Variants in BMP2K observed in about 807,000 individuals in gnomAD.
The protein encoded by BMP2K is BMP2 inducible kinase, also known as BMP-2-inducible protein kinase.
Under a neutral mutation model 116.0 loss-of-function variants are expected in BMP2K, and 74 were observed. The ratio of observed to expected loss-of-function variants is 0.64; its 90% CI spans 0.53 to 0.77. The LOEUF is 0.77. Ranked by LOEUF, BMP2K falls within the 30% of genes least tolerant of loss-of-function variation. The pLI is 0.00. For missense variants in BMP2K, 1,365 were observed against 1,403.6 expected (o/e 0.97, Z 0.44); for synonymous variants, 486 against 502.5 (o/e 0.97, Z 0.44).
At chr4:78,785,059 A>G (rs746039121) in intron 1 of BMP2K, among the ~76,000 whole-genome samples, 21 of 152,312 alleles carry the variant, frequency 1.4e-4, no homozygotes, top group Non-Finnish European at 2.5e-4. Flanking sequence ...AGACTTCACA[A>G]TGGAATGGCA....
intron 1 of BMP2K, among the ~76,000 whole-genome samples, chr4:78,819,003 G>T (rs967953248): frequency 6.6e-6 from 1 of 151,878 alleles, no homozygotes; most frequent in Non-Finnish European, 1.5e-5. Context: ...TTACCATGTT[G>T]CCCAGGCTGG....
intron 1 of BMP2K, 148 bp downstream of exon 1, chr4:78,776,869 C>A: frequency 1.3e-6 from 1 of 785,270 alleles, no homozygotes; most frequent in Non-Finnish European, 1.7e-6. Context: ...AAGAGTGGCT[C>A]GGGCTTTCTC....
intron 3 of BMP2K, among the ~76,000 whole-genome samples, chr4:78,834,002 A>G (rs1427972596): frequency 2.0e-5 from 3 of 152,168 alleles, no homozygotes; most frequent in Non-Finnish European, 4.4e-5. Flanking sequence ...GAAGAGGATA[A>G]TATGTCAATA....
chr4:78,830,671 T>G (rs1730166471), intron 2 of BMP2K, among the ~76,000 whole-genome samples: 1 of 152,210 alleles, frequency 6.6e-6, no homozygotes, highest in East Asian at 1.9e-4. Flanking sequence ...CTGCTTTACT[T>G]TGTACTTAAT....
intron 15 of BMP2K, among the ~76,000 whole-genome samples, chr4:78,898,541 A>AGAT (rs1733829655): frequency 1.3e-5 from 2 of 150,968 alleles, no homozygotes; most frequent in African/African-American, 4.9e-5. Flanking sequence ...GAATATGATT[A>AGAT]ATACAGTCTA....
At chr4:78,893,743 T>C (rs1056776090) in intron 15 of BMP2K, among the ~76,000 whole-genome samples, 4 of 152,156 alleles carry the variant, frequency 2.6e-5, no homozygotes, top group Non-Finnish European at 5.9e-5. Flanking sequence ...TTTAAAGTTT[T>C]CCTTAGAGTT....
At chr4:78,854,472 C>T (rs1022095161) in intron 7 of BMP2K, among the ~76,000 whole-genome samples, 5 of 151,982 alleles carry the variant, frequency 3.3e-5, no homozygotes, top group African/African-American at 7.3e-5. Flanking sequence ...TGGGGTTTCA[C>T]CATGTTGGTC....
chr4:78,832,040 A>G (rs56802690), intron 2 of BMP2K, among the ~76,000 whole-genome samples: 29,226 of 152,118 alleles, frequency 0.19, 6,079 homozygotes, highest in African/African-American at 0.52. Context: ...ATAATATCCC[A>G]TTATATGTCT....
chr4:78,863,205 T>C (rs1190896407), intron 9 of BMP2K, among the ~76,000 whole-genome samples: 2 of 152,080 alleles, frequency 1.3e-5, no homozygotes, highest in South Asian at 4.1e-4. Context: ...TTGGTACTTA[T>C]TGGTTACTAA....
At chr4:78,894,880 A>T (rs1484695016) in intron 15 of BMP2K, among the ~76,000 whole-genome samples, 2 of 152,204 alleles carry the variant, frequency 1.3e-5, no homozygotes, top group African/African-American at 4.8e-5. Flanking sequence ...TGGGGTTATT[A>T]ATTGGCCTAA....
chr4:78,836,358 A>G (rs1372019802), intron 3 of BMP2K, among the ~76,000 whole-genome samples: 1 of 152,064 alleles, frequency 6.6e-6, no homozygotes, highest in Non-Finnish European at 1.5e-5. Context: ...TGGAGGTTGC[A>G]GTGAGCCAAG....
chr4:78,891,244 A>T (rs1733419807), intron 15 of BMP2K, among the ~76,000 whole-genome samples: 1 of 151,970 alleles, frequency 6.6e-6, no homozygotes, highest in Non-Finnish European at 1.5e-5. Flanking sequence ...TTTATGTGTG[A>T]ACTGTGGTAG....
intron 15 of BMP2K, among the ~76,000 whole-genome samples, chr4:78,890,323 G>A (rs1733360949): frequency 6.6e-6 from 1 of 151,724 alleles, no homozygotes; most frequent in Admixed American, 6.6e-5. Flanking sequence ...AATAGCTATG[G>A]ACTTTCTATT....
chr4:78,872,000 A>G (rs1354474463), intron 12 of BMP2K, 52 bp downstream of exon 12: 1 of 1,247,680 alleles, frequency 8.0e-7, no homozygotes, highest in Non-Finnish European at 1.2e-6. Context: ...ATGGTGTTGG[A>G]ATTCACAGTA....
At chr4:78,825,157 T>C (rs1255480266) in intron 1 of BMP2K, among the ~76,000 whole-genome samples, 21 of 152,114 alleles carry the variant, frequency 1.4e-4, no homozygotes, top group Admixed American at 1.4e-3. Context: ...TGAGCCGAGA[T>C]TGTGCCACTG....
chr4:78,822,616 A>G (rs1729675573), intron 1 of BMP2K, among the ~76,000 whole-genome samples: 1 of 152,146 alleles, frequency 6.6e-6, no homozygotes, highest in Non-Finnish European at 1.5e-5. Flanking sequence ...AATGCTTTAT[A>G]ATACTCTCAT....
At chr4:78,869,967 C>T (rs1302185874) in intron 10 of BMP2K, among the ~76,000 whole-genome samples, 1 of 152,128 alleles carries the variant, frequency 6.6e-6, no homozygotes, top group African/African-American at 2.4e-5. Flanking sequence ...TCCTTGCATT[C>T]TCTCCCCACT....
chr4:78,860,770 C>CT (rs139384663), intron 8 of BMP2K, among the ~76,000 whole-genome samples: 1,744 of 101,828 alleles, frequency 0.017, 3 homozygotes, highest in East Asian at 0.034. Flanking sequence ...GGTACCTTTC[C>CT]TTTTTTTTTT....
In BMP2K at chr4:78,837,978, A is replaced by G. The variant is rs142533856; in HGVS notation, c.403+4291A>G. ...TAAATTTTTTTCTTTTCCTTGCTGTATTAGTCCATTTTCACGCTGCTGATA... is the reference window on the plus strand; with the variant it reads ...TAAATTTTTTTCTTTTCCTTGCTGTGTTAGTCCATTTTCACGCTGCTGATA... On this transcript the variant is annotated intron_variant, in intron 3 of 15. Coordinates refer to ENST00000502613, the MANE Select transcript of BMP2K (RefSeq NM_198892.2). Among the ~76,000 whole-genome samples the G allele has an allele frequency of 9.9e-5, 15 of 152,124 alleles. No homozygotes were observed. In the East Asian group the frequency reaches 2.7e-3, roughly 27 times the overall value.
Sources: gnomAD v4.1 joint callset for allele counts (sites outside exome capture counted in the v4.1 genomes callset) on GRCh38, gnomAD v4.1.1 for gene constraint, MANE v1.5 for transcripts, NCBI Gene and HGNC (gene_info 2026-07-23, HGNC 2026-07-21) for gene names.